FUT8: variants seen among roughly 807,000 people sequenced by gnomAD.
The protein encoded by FUT8 is alpha-(1,6)-fucosyltransferase.
A neutral mutation model predicts 71.3 loss-of-function variants in FUT8; 29 were observed. That is an observed-to-expected ratio of 0.41 (90% CI 0.30 to 0.55). The LOEUF is 0.55. Among genes scored for constraint, FUT8 ranks in the 20% least tolerant of loss-of-function variants. FUT8 has a pLI of 0.34. For missense variants in FUT8, 544 were observed against 702.1 expected, an observed-to-expected ratio of 0.77 and a Z score of 2.55; for synonymous variants, 254 against 239.3, an observed-to-expected ratio of 1.06 and a Z score of -0.57.
intron 5 of FUT8, among the ~76,000 whole-genome samples, chr14:65,622,332 ATACTT>A (rs1397396780): frequency 6.6e-6 from 1 of 152,182 alleles, no homozygotes; most frequent in Admixed American, 6.5e-5. Flanking sequence ...AATATATAAA[ATACTT>A]TACCTAGTGC....
chr14:65,401,565 A>G, the FUT8 span, among the ~76,000 whole-genome samples: 1 of 152,142 alleles, frequency 6.6e-6, no homozygotes, highest in Non-Finnish European at 1.5e-5. Context: ...ATTATAAGGG[A>G]TCCAAAATTA....
At chr14:65,424,929 G>T (rs982511049) in intron 1 of FUT8, among the ~76,000 whole-genome samples, 29 of 152,050 alleles carry the variant, frequency 1.9e-4, no homozygotes, top group African/African-American at 6.8e-4. Context: ...CTCCCAAAGT[G>T]CTGGGATTAC....
chr14:65,556,173 A>G (rs1328292413), intron 2 of FUT8, among the ~76,000 whole-genome samples: 1 of 152,220 alleles, frequency 6.6e-6, no homozygotes, highest in African/African-American at 2.4e-5. Context: ...AGTGGTTTAA[A>G]GCAACAATTT....
At chr14:65,505,243 A>G (rs1185801753) in intron 2 of FUT8, among the ~76,000 whole-genome samples, 1 of 151,444 alleles carries the variant, frequency 6.6e-6, no homozygotes, top group Non-Finnish European at 1.5e-5. Flanking sequence ...AGAAAATGAC[A>G]TAATTGAATC....
chr14:65,721,654 G>A, intron 7 of FUT8, 121 bp from the exon 8 acceptor site: 1 of 996,440 alleles, frequency 1.0e-6, no homozygotes, highest in Non-Finnish European at 1.5e-6. Flanking sequence ...CCTTTGTAAA[G>A]TGAAGATTAT....
At chr14:65,575,582 T>TCTTTC (rs1886718953) in intron 3 of FUT8, among the ~76,000 whole-genome samples, 1 of 72,750 alleles carries the variant, frequency 1.4e-5, no homozygotes, top group African/African-American at 4.6e-5. Context: ...CTTCCTTCCT[T>TCTTTC]CTTCCTTCCT....
At chr14:65,617,925 C>T (rs1022299288) in intron 5 of FUT8, among the ~76,000 whole-genome samples, 1 of 149,316 alleles carries the variant, frequency 6.7e-6, no homozygotes, top group Non-Finnish European at 1.5e-5. Context: ...GCCTGGGCAA[C>T]AGAGCAAGAC....
At chr14:65,407,820 A>G (rs1226658536), upstream of FUT8, among the ~76,000 whole-genome samples, 1 of 152,240 alleles carries the variant, frequency 6.6e-6, no homozygotes, top group East Asian at 1.9e-4. Flanking sequence ...TCTGTCTGCC[A>G]TCGCCAGTAG....
At chr14:65,587,613 T>G (rs1461827029) in intron 3 of FUT8, among the ~76,000 whole-genome samples, 1 of 152,174 alleles carries the variant, frequency 6.6e-6, no homozygotes, top group Non-Finnish European at 1.5e-5. Context: ...CTAGGTAACT[T>G]TTAGGCATAA....
At chr14:65,449,688 A>C (rs2065793301) in intron 1 of FUT8, among the ~76,000 whole-genome samples, 1 of 152,228 alleles carries the variant, frequency 6.6e-6, no homozygotes, top group African/African-American at 2.4e-5. Flanking sequence ...TTAGGTTGAT[A>C]AATTTTCAAT....
chr14:65,542,755 T>C (rs754723257), intron 2 of FUT8, among the ~76,000 whole-genome samples: 2 of 152,204 alleles, frequency 1.3e-5, no homozygotes, highest in African/African-American at 2.4e-5. Context: ...TAATGTTTAT[T>C]CATTATTTGT....
At chr14:65,480,732 G>T (rs945379112) in intron 2 of FUT8, among the ~76,000 whole-genome samples, 2 of 151,788 alleles carry the variant, frequency 1.3e-5, no homozygotes, top group African/African-American at 4.8e-5. Flanking sequence ...ACTCACTCAG[G>T]CTGGAGCGTA....
chr14:65,530,167 T>C (rs1436617614), intron 2 of FUT8, among the ~76,000 whole-genome samples: 8 of 152,224 alleles, frequency 5.3e-5, no homozygotes, highest in Non-Finnish European at 1.2e-4. Flanking sequence ...TTGGCCTTTC[T>C]GTATTATGAC....
chr14:65,466,182 G>T (rs1324614985), intron 2 of FUT8, among the ~76,000 whole-genome samples: 1 of 152,058 alleles, frequency 6.6e-6, no homozygotes, highest in Non-Finnish European at 1.5e-5. Context: ...TTTAGAGTGG[G>T]ATTTTTGTAG....
intron 6 of FUT8, among the ~76,000 whole-genome samples, chr14:65,633,962 G>C (rs1416262238): frequency 3.3e-5 from 5 of 150,050 alleles, no homozygotes; most frequent in Admixed American, 6.6e-5. Context: ...CCCCTGCCCG[G>C]CTAGCCGCCC....
At chr14:65,617,228 A>G (rs1889333854) in intron 5 of FUT8, 1 of 1,477,778 alleles carries the variant, frequency 6.8e-7, no homozygotes, top group African/African-American at 1.5e-5. Flanking sequence ...CAGCAGCAAT[A>G]TTATAATGAT....
the FUT8 span, among the ~76,000 whole-genome samples, chr14:65,382,668 G>C: frequency 6.6e-6 from 1 of 152,140 alleles, no homozygotes; most frequent in Non-Finnish European, 1.5e-5. Flanking sequence ...GCTTCACCCA[G>C]AAATTCTGTT....
intron 7 of FUT8, among the ~76,000 whole-genome samples, chr14:65,718,150 T>G (rs566220922): frequency 1.4e-4 from 21 of 152,344 alleles, no homozygotes; most frequent in Admixed American, 5.9e-4. Flanking sequence ...CCTTCTTTCC[T>G]TCCTTTCTAT....
chr14:65,736,484 C>T (rs923215127), intron 10 of FUT8, among the ~76,000 whole-genome samples: 2 of 151,684 alleles, frequency 1.3e-5, no homozygotes. Context: ...TAACATTCAG[C>T]ATGTACAATT....
Sources: allele counts gnomAD v4.1 joint callset (sites outside exome capture counted in the v4.1 genomes callset), GRCh38; gene constraint gnomAD v4.1.1; transcripts MANE v1.5; gene names NCBI Gene and HGNC (gene_info 2026-07-23, HGNC 2026-07-21).